The following TTC19 variants were observed in gnomAD, a reference collection of about 807,000 sequenced individuals.
TTC19 encodes the protein tetratricopeptide repeat protein 19, mitochondrial.
Under a neutral mutation model 49.5 loss-of-function variants are expected in TTC19, and 38 were observed. The observed-to-expected ratio is 0.77, with a 90% CI of 0.59 to 1.01. The LOEUF (loss-of-function observed/expected upper bound fraction) is 1.01. Among genes scored for constraint, TTC19 ranks in the 50% least tolerant of loss-of-function variants. TTC19 has a pLI of 0.00. For missense variants in TTC19, 475 were observed against 477.7 expected, an observed-to-expected ratio of 0.99 and a Z score of 0.05; for synonymous variants, 204 against 185.2, an observed-to-expected ratio of 1.10 and a Z score of -0.83.
At chr17:16,029,684 T>A (rs940744806), downstream of TTC19, 2 of 154,948 alleles carry the variant, frequency 1.3e-5, no homozygotes, top group African/African-American at 4.8e-5. Flanking sequence ...TGCTGCTCTG[T>A]GCTTACCACT....
rs1567589031 is a variant in TTC19 at position 16,027,796 on chromosome 17, A to C, written c.*274A>C. The C allele has an allele frequency of 1.9e-6, 1 of 530,034 alleles. No homozygotes were observed. Among genetic ancestry groups the C allele is most frequent in the Non-Finnish European group, 3.6e-6 (1 of 275,378 alleles). The allele number at this position is 530,034 out of a possible 1,614,324, so 32.8% of individuals were successfully genotyped here. ...GACTTGGTGCTGTCCCTGCTGGTCT[A>C]AGTAGAACTGTAGATTCATATGGGC... On this transcript the variant is annotated 3_prime_UTR_variant, in exon 10 of 10. Coordinates refer to ENST00000261647, the MANE Select transcript of TTC19 (RefSeq NM_017775.4).
intron 7 of TTC19, among the ~76,000 whole-genome samples, chr17:16,011,462 C>T (rs74183670): frequency 0.051 from 7,716 of 152,282 alleles, 478 homozygotes; most frequent in African/African-American, 0.14. Context: ...CGTGAGCCAC[C>T]GCGCCCGGCC....
chr17:16,032,285 CT>C (rs1403965710), downstream of TTC19: 1 of 1,599,850 alleles, frequency 6.3e-7, no homozygotes, highest in East Asian at 2.3e-5. Context: ...GTTCCCCTCA[CT>C]TTGTGCAGTT....
At chr17:16,007,115 C>T (rs1970933599) in intron 7 of TTC19, among the ~76,000 whole-genome samples, 1 of 152,112 alleles carries the variant, frequency 6.6e-6, no homozygotes, top group Admixed American at 6.6e-5. Context: ...CTACTCTATA[C>T]CAAGAGCTAC....
intron 2 of TTC19, among the ~76,000 whole-genome samples, chr17:16,038,254 C>T (rs1157482488): frequency 6.6e-6 from 1 of 152,046 alleles, no homozygotes; most frequent in Admixed American, 6.6e-5. Flanking sequence ...AAGATTAAAG[C>T]TTAGGATTAT....
At chr17:16,003,784 TAA>T in intron 4 of TTC19, 45 bp from the exon 5 acceptor site, 1 of 1,505,420 alleles carries the variant, frequency 6.6e-7, no homozygotes. Context: ...TATATATATA[TAA>T]AATGGGGCCC....
intron 7 of TTC19, among the ~76,000 whole-genome samples, chr17:16,015,454 T>G (rs971514376): frequency 5.9e-5 from 9 of 152,192 alleles, no homozygotes; most frequent in Admixed American, 5.9e-4. Flanking sequence ...TACTCTTACG[T>G]ATCTGAGATC....
At chr17:16,020,998 CCTT>C (rs1567584983) in intron 7 of TTC19, among the ~76,000 whole-genome samples, 1 of 151,800 alleles carries the variant, frequency 6.6e-6, no homozygotes. Flanking sequence ...TTTTATAATT[CCTT>C]CTATTTGTTC....
chr17:16,003,563 C>A (rs975559963), intron 4 of TTC19, among the ~76,000 whole-genome samples: 1 of 152,036 alleles, frequency 6.6e-6, no homozygotes, highest in Admixed American at 6.6e-5. Context: ...GTCTCTGCCA[C>A]AGTGGGTTTG....
intron 7 of TTC19, among the ~76,000 whole-genome samples, chr17:16,021,342 T>C (rs1597464908): frequency 6.6e-6 from 1 of 152,232 alleles, no homozygotes. Context: ...GAGCTGAGAT[T>C]TTGCAACTGC....
In TTC19 at chr17:16,029,404, C is replaced by T. The variant is rs1971757788; in HGVS notation, c.*1882C>T. 3.1e-6 allele frequency: 1 copy of T among 323,242 alleles called. No individual in the cohort carries two copies. Among genetic ancestry groups the T allele is most frequent in the Non-Finnish European group, 6.1e-6 (1 of 164,782 alleles). The allele number at this position is 323,242 out of a possible 1,614,324, so 20.0% of individuals were successfully genotyped here. On this transcript the variant is annotated 3_prime_UTR_variant, in exon 10 of 10. Coordinates refer to ENST00000261647, the MANE Select transcript of TTC19 (RefSeq NM_017775.4). ...CGTGTCATTAAAATTTTTTAACTGT[C>T]CAATGGTCACTGGAGTTTTCTGGGC...
intron 2 of TTC19, chr17:16,035,014 A>G: frequency 1.4e-6 from 2 of 1,428,492 alleles, no homozygotes; most frequent in Admixed American, 2.0e-5. Context: ...GCTAATGATT[A>G]TATATTGCTA....
At chr17:16,012,470 C>A (rs1412169296) in intron 7 of TTC19, among the ~76,000 whole-genome samples, 1 of 151,998 alleles carries the variant, frequency 6.6e-6, no homozygotes, top group African/African-American at 2.4e-5. Flanking sequence ...CAGAGCAAGA[C>A]CCTGTCTTGG....
intron 7 of TTC19, among the ~76,000 whole-genome samples, chr17:16,021,075 G>A (rs1360732297): frequency 6.6e-6 from 1 of 152,152 alleles, no homozygotes; most frequent in Non-Finnish European, 1.5e-5. Flanking sequence ...GCTGCTAGGT[G>A]CTGAGATACA....
rs1340338840 is a variant in TTC19, at chr17:16,026,543, A to G, written c.835A>G (p.Ile279Val). 2 of 1,614,002 alleles carry G rather than the reference A, an allele frequency of 1.2e-6. No homozygotes were observed. The change falls in exon 9 of 10, where the codon ATT (isoleucine) becomes GTT (valine). Residue 279 changes from isoleucine (I) to valine (V), a missense_variant. Physicochemically the swap from Ile to Val is conservative, Grantham distance 29. Coordinates refer to ENST00000261647, the MANE Select transcript of TTC19 (RefSeq NM_017775.4). Reference sequence around the variant, plus strand: ...TTGTTTTTTCTTTTACATACAGACCATTGTGCTGATGAGTGACCTGGCTAC... The same window carrying G: ...TTGTTTTTTCTTTTACATACAGACCGTTGTGCTGATGAGTGACCTGGCTAC... The part of the protein sequence containing the change: ...EIQGERHPQT[I>V]VLMSDLATTL...
chr17:16,044,611 T>C, exon 3 of TTC19: 1 of 593,926 alleles, frequency 1.7e-6, no homozygotes, highest in South Asian at 1.4e-5. Flanking sequence ...GCCCCACACT[T>C]GCCCATACCA....
At chr17:16,023,351 C>T (rs1971442212) in intron 7 of TTC19, 1 of 152,132 alleles carries the variant, frequency 6.6e-6, no homozygotes, top group African/African-American at 2.4e-5. Flanking sequence ...TATTCTTGTA[C>T]TTTTGTTTTA....
chr17:16,027,223 G>C, intron 9 of TTC19, 151 bp from the exon 10 acceptor site: 1 of 876,530 alleles, frequency 1.1e-6, no homozygotes, highest in Non-Finnish European at 1.8e-6. Flanking sequence ...GTTCCAGCCT[G>C]TCAGATGGGG....
At chr17:16,039,680 A>C (rs756574348) in intron 2 of TTC19, 2 of 1,588,586 alleles carry the variant, frequency 1.3e-6, no homozygotes, top group Non-Finnish European at 1.7e-6. Context: ...AAACATTTCC[A>C]CTTATTTCTG....
Sources: allele counts gnomAD v4.1 joint callset (sites outside exome capture counted in the v4.1 genomes callset), GRCh38; gene constraint gnomAD v4.1.1; transcripts MANE v1.5; gene names NCBI Gene and HGNC (gene_info 2026-07-23, HGNC 2026-07-21).